ATP13A1: variants seen among roughly 807,000 people sequenced by gnomAD.
ATP13A1 encodes the protein ATPase 13A1, also known as endoplasmic reticulum transmembrane helix translocase.
Under a neutral mutation model 134.8 loss-of-function variants are expected in ATP13A1, and 55 were observed. The ratio of observed to expected loss-of-function variants is 0.41; its 90% CI spans 0.33 to 0.51. The LOEUF is 0.51. Ranked by LOEUF, ATP13A1 falls within the 20% of genes least tolerant of loss-of-function variation. The pLI, the probability that ATP13A1 is intolerant of heterozygous loss-of-function variation, is 0.29. For missense variants in ATP13A1, 1,389 were observed against 1,652.8 expected, an observed-to-expected ratio of 0.84 and a Z score of 2.77; for synonymous variants, 775 against 725.1, an observed-to-expected ratio of 1.07 and a Z score of -1.10.
Position 19,659,761 on chromosome 19 carries a change from C to G in ATP13A1, c.517G>C (p.Glu173Gln). ...GEDGLEVLSF[E>Q]FQKIKYSYDA... is the part of the protein sequence containing the mutation. ...TAGGAATACTTGATCTTCTGGAATTCGAAGGACAGCACCTCAAGCCCGTCT... is the reference window on the plus strand; with the variant it reads ...TAGGAATACTTGATCTTCTGGAATTGGAAGGACAGCACCTCAAGCCCGTCT... The change falls in exon 3 of 26, where the codon GAA becomes CAA. Residue 173 changes from glutamate (E) to glutamine (Q), a missense_variant. Physicochemically the swap from Glu to Gln is conservative, Grantham distance 29. Around this residue, in one of 4 missense-constraint regions of ATP13A1, gnomAD observed 293 missense variants for 270.8 expected, o/e 1.08. Coordinates refer to ENST00000357324, the MANE Select transcript of ATP13A1 (RefSeq NM_020410.3). 1 of 1,613,826 alleles carries G rather than the reference C, an allele frequency of 6.2e-7. No homozygotes were observed. Among genetic ancestry groups the G allele is most frequent in the Non-Finnish European group, 8.5e-7 (1 of 1,179,836 alleles).
chr19:19,658,469 A>C (rs2062073886), intron 3 of ATP13A1, among the ~76,000 whole-genome samples: 1 of 152,210 alleles, frequency 6.6e-6, no homozygotes, highest in South Asian at 2.1e-4. Flanking sequence ...ACCTTGGGGT[A>C]GGGGAAGTTG....
chr19:19,649,574 A>G lies in ATP13A1; in HGVS notation c.2625T>C (p.Ala875=), dbSNP rs2062010710. 6.2e-7 allele frequency: 1 copy of G among 1,613,530 alleles called. No homozygotes were observed. Among genetic ancestry groups the G allele is most frequent in the African/African-American group, 1.3e-5 (1 of 75,028 alleles). Residue 875 remains alanine, a synonymous_variant, in exon 19 of 26, where the codon GCT becomes GCC. Transcript: ENST00000357324. ...CTAGCCCACAGCACTCACCCACGTC[A>G]GCATGCTTCAGGGCGCCCACGTCGT... ...GTNDVGALKH[A]DVGVALLANA... is the part of the protein sequence containing the mutation.
Position 19,653,719 on chromosome 19 carries a change from G to C in ATP13A1, c.2100+65C>G. 1.4e-6 allele frequency: 2 copies of C among 1,380,854 alleles called. No individual in the cohort carries two copies. Among genetic ancestry groups the C allele is most frequent in the Non-Finnish European group, 2.0e-6 (2 of 1,003,490 alleles). 85.5% of individuals were successfully genotyped at this position (1,380,854 alleles called of 1,614,324 possible). A position where few individuals can be genotyped will look rare whatever the true frequency, so the allele number is the denominator to read the frequency against. On this transcript the variant is annotated intron_variant, in intron 15 of 25. Coordinates refer to ENST00000357324, the MANE Select transcript of ATP13A1 (RefSeq NM_020410.3). The surrounding 1 kb of genome is among the most constrained non-coding windows in gnomAD (Gnocchi z 4.2). ...CAACCTGGCACTGTGGGACACAGGA[G>C]GTGACTCAGGGAGGAGCTGACGGGC...
chr19:19,657,283 T>G, intron 4 of ATP13A1, 53 bp downstream of exon 4: 1 of 1,535,792 alleles, frequency 6.5e-7, no homozygotes. Context: ...TTGATCCGGT[T>G]AGGAAAGCCC....
In ATP13A1 at chr19:19,647,786, G is replaced by A. The variant is rs540618529; in HGVS notation, c.2633-27C>T. On this transcript the variant is annotated intron_variant, in intron 19 of 25. Transcript: ENST00000357324. The surrounding 1 kb of genome is among the most constrained non-coding windows in gnomAD (Gnocchi z 4.8). ...TGGGGGGCAGGAGGGTGTCAGACCC[G>A]GAGGAGCAGGCTCCACGGAGGGGAA... The A allele has an allele frequency of 3.8e-5, 60 of 1,566,850 alleles. No homozygotes were observed. The Admixed American group carries it at 5.6e-4, about 15-fold the overall frequency.
intron 1 of ATP13A1, among the ~76,000 whole-genome samples, chr19:19,662,688 T>G (rs768136583): frequency 6.6e-6 from 1 of 152,196 alleles, no homozygotes; most frequent in Non-Finnish European, 1.5e-5. Flanking sequence ...AAAGACATCA[T>G]GTAAATGACT....
Position 19,655,850 on chromosome 19 carries a change from C to T in ATP13A1, c.1269+28G>A, listed in dbSNP as rs1480937824. The T allele has an allele frequency of 6.4e-7, 1 of 1,562,092 alleles. No individual in the cohort carries two copies. Among genetic ancestry groups the T allele is most frequent in the African/African-American group, 1.4e-5 (1 of 74,052 alleles). On this transcript the variant is annotated intron_variant, in intron 9 of 25. Coordinates refer to ENST00000357324, the MANE Select transcript of ATP13A1 (RefSeq NM_020410.3). This position sits in a 1 kb window ranked among gnomAD's most constrained non-coding sequence, Gnocchi z 5.7. ...CCTTGGCTGTCCAACTGCCCTGGGG[C>T]CCGCCCTCCCCAGACCTGGCCCCGC... is the stretch of plus-strand genomic sequence containing the variant.
In ATP13A1 at chr19:19,647,693, G is replaced by A. The variant is rs1382740323; in HGVS notation, c.2699C>T (p.Pro900Leu). The change falls in exon 20 of 26, where the codon CCA (proline) becomes CTA (leucine). Residue 900 changes from proline to leucine, a missense_variant. Physicochemically the swap from Pro to Leu is moderately conservative, Grantham distance 98 (BLOSUM62 -3). This residue lies in a region of ATP13A1 where 121 missense variants were observed against 104.9 expected (regional missense o/e 1.15). Coordinates refer to ENST00000357324, the MANE Select transcript of ATP13A1 (RefSeq NM_020410.3). The surrounding 1 kb of genome is among the most constrained non-coding windows in gnomAD (Gnocchi z 4.8). ...VERRRRPRDS[P>L]TLSNSGIRAT... ...TCTGATGCCACTGTTGCTCAGGGTT[G>A]GGCTGTCCCGGGGCCGCCGTCGCCG... is the stretch of plus-strand genomic sequence containing the variant. 8 of 1,611,480 alleles carry A rather than the reference G, an allele frequency of 5.0e-6. No individual in the cohort carries two copies. The highest frequency in any genetic ancestry group is 1.7e-5 in the Admixed American group (1 of 59,916).
At position 19,656,085 on chromosome 19, in the gene ATP13A1, G is replaced by T; in HGVS notation, c.1182C>A (p.Ile394=). 1 of 1,613,734 alleles carries T rather than the reference G, an allele frequency of 6.2e-7. No individual in the cohort carries two copies. Among genetic ancestry groups the T allele is most frequent in the Non-Finnish European group, 8.5e-7 (1 of 1,179,786 alleles). ...GGCCCGTGGTGGCTTTCTGTGGGGGGATGTGCTGCACCACCTTGGTGCCCC... is the reference window on the plus strand; with the variant it reads ...GGCCCGTGGTGGCTTTCTGTGGGGGTATGTGCTGCACCACCTTGGTGCCCC... The part of the protein sequence containing the change: ...IFGGTKVVQH[I]PPQKATTGLK... Residue 394 remains isoleucine (I), a synonymous_variant, in exon 8 of 26, where the codon ATC becomes ATA. Transcript: ENST00000357324. This position sits in a 1 kb window ranked among gnomAD's most constrained non-coding sequence, Gnocchi z 4.6.
Position 19,654,680 on chromosome 19 carries a change from G to A in ATP13A1, c.1676C>T (p.Pro559Leu). The change falls in exon 13 of 26, where the codon CCA becomes CTA. Residue 559 changes from proline (P) to leucine (L), a missense_variant. This residue lies in a region of ATP13A1 where 747 missense variants were observed against 956.1 expected (regional missense o/e 0.78). Transcript: ENST00000357324. ...TGTTTCTACAGGGATGCTGGACACT[G>A]GGGTCACCTCCTTCCCGTCTCTGCA... is the stretch of plus-strand genomic sequence containing the variant. ...AGLRDGKEVT[P>L]VSSIPVETHR... is the part of the protein sequence containing the mutation. 6.2e-7 allele frequency: 1 copy of A among 1,612,834 alleles called. No homozygotes were observed. The highest frequency in any genetic ancestry group is 8.5e-7 in the Non-Finnish European group (1 of 1,179,626).
chr19:19,663,087 T>C lies in ATP13A1; in HGVS notation c.396+184A>G, dbSNP rs115894846. On this transcript the variant is annotated intron_variant, in intron 1 of 25. Coordinates refer to ENST00000357324, the MANE Select transcript of ATP13A1 (RefSeq NM_020410.3). ...AAAAGGAAATAACCCGCACCAGGCA[T>C]GCACAGCAAGTCAGCAGTGGGGTCA... 2.3e-4 allele frequency: 199 copies of C among 860,746 alleles called. No homozygotes were observed. In the African/African-American group the frequency reaches 3.0e-3, roughly 13 times the overall value. The allele number at this position is 860,746 out of a possible 1,614,324, so 53.3% of individuals were successfully genotyped here.
In ATP13A1 at chr19:19,653,881, G is replaced by T; in HGVS notation, c.2003C>A (p.Pro668Gln). The T allele has an allele frequency of 6.4e-7, 1 of 1,567,286 alleles. No homozygotes were observed. The highest frequency in any genetic ancestry group is 1.4e-5 in the African/African-American group (1 of 73,690). Residue 668 changes from proline (P) to glutamine (Q), a missense_variant, in exon 15 of 26, where the codon CCG becomes CAG. Pro to Gln is a moderately conservative substitution (Grantham distance 76). Transcript: ENST00000357324. The surrounding 1 kb of genome is among the most constrained non-coding windows in gnomAD (Gnocchi z 4.2). ...ETLHSMFSQC[P>Q]PDYHHIHTEI... ...GGTGTGGATGTGGTGGTAGTCGGGC[G>T]GGCACTGGGAGAACTGCAGGGAATG... is the stretch of plus-strand genomic sequence containing the variant.
Position 19,656,037 on chromosome 19 carries a change from G to A in ATP13A1, c.1213+17C>T, listed in dbSNP as rs1362029129. On this transcript the variant is annotated intron_variant, in intron 8 of 25. Coordinates refer to ENST00000357324, the MANE Select transcript of ATP13A1 (RefSeq NM_020410.3). The surrounding 1 kb of genome is among the most constrained non-coding windows in gnomAD (Gnocchi z 4.6). ...GGTGGAAGCCCAGATACCCCCAGAC[G>A]CCCATGAGGCACCTACGCTTCAGGC... 10 of 1,613,160 alleles carry A rather than the reference G, an allele frequency of 6.2e-6. No homozygotes were observed. The highest frequency in any genetic ancestry group is 2.7e-5 in the African/African-American group (2 of 74,890).
Position 19,661,362 on chromosome 19 carries a change from C to T in ATP13A1, c.397-1375G>A, listed in dbSNP as rs139157416. On this transcript the variant is annotated intron_variant, in intron 1 of 25. Transcript: ENST00000357324. ...GCTCACTACACTCCACAGCTCCACA[C>T]GCACATGGGGCTCGATCGTGCCTCA... Among the ~76,000 whole-genome samples the T allele has an allele frequency of 1.6e-4, 25 of 152,330 alleles. No homozygotes were observed. In the South Asian group the frequency reaches 4.3e-3, roughly 26 times the overall value.
rs895346193 is a variant in ATP13A1 at position 19,647,860 on chromosome 19, C to T, written c.2633-101G>A. 11 of 1,412,134 alleles carry T rather than the reference C, an allele frequency of 7.8e-6. No individual in the cohort carries two copies. Among genetic ancestry groups the T allele is most frequent in the African/African-American group, 2.9e-5 (2 of 70,134 alleles). 87.5% of individuals were successfully genotyped at this position (1,412,134 alleles called of 1,614,324 possible). A position where few individuals can be genotyped will look rare whatever the true frequency, so the allele number is the denominator to read the frequency against. On this transcript the variant is annotated intron_variant, in intron 19 of 25. Coordinates refer to ENST00000357324, the MANE Select transcript of ATP13A1 (RefSeq NM_020410.3). This position sits in a 1 kb window ranked among gnomAD's most constrained non-coding sequence, Gnocchi z 4.8. ...GTCCTGAAGTCCCCCAGCTGGCTCC[C>T]GTGAGGACAGTTCCCAGACTTCCCC...
intron 1 of ATP13A1, among the ~76,000 whole-genome samples, chr19:19,662,581 C>T (rs2062101399): frequency 6.6e-6 from 1 of 152,200 alleles, no homozygotes; most frequent in South Asian, 2.1e-4. Flanking sequence ...TCCGACGACA[C>T]TTGGTCACTC....
In ATP13A1 at chr19:19,656,685, G is replaced by C. The variant is rs377669958; in HGVS notation, c.1058C>G (p.Thr353Arg). 6.2e-7 allele frequency: 1 copy of C among 1,613,722 alleles called. No homozygotes were observed. Among genetic ancestry groups the C allele is most frequent in the Non-Finnish European group, 8.5e-7 (1 of 1,179,816 alleles). ...GRCIVDEAML[T>R]GESVPQMKEP... The stretch of plus-strand genomic sequence containing the variant: ...CTTCATCTGTGGCACGGACTCCCCC[G>C]TGAGCATGGCCTCGTCTACGATGCA... Residue 353 changes from threonine (T) to arginine (R), a missense_variant, in exon 7 of 26, where the codon ACG becomes AGG. Around this residue, in one of 4 missense-constraint regions of ATP13A1, gnomAD observed 747 missense variants for 956.1 expected, o/e 0.78. Coordinates refer to ENST00000357324, the MANE Select transcript of ATP13A1 (RefSeq NM_020410.3). The surrounding 1 kb of genome is among the most constrained non-coding windows in gnomAD (Gnocchi z 4.6).
At position 19,655,514 on chromosome 19, in the gene ATP13A1, G is replaced by C. The variant is rs534748874; in HGVS notation, c.1396+14C>G. On this transcript the variant is annotated intron_variant, in intron 10 of 25. Transcript: ENST00000357324. This position sits in a 1 kb window ranked among gnomAD's most constrained non-coding sequence, Gnocchi z 5.7. ...AGGGTGGGCGCAGGGGACCACAGAG[G>C]CCGTGGCGCTTACCTTCAATCCATA... 1 of 1,613,872 alleles carries C rather than the reference G, an allele frequency of 6.2e-7. No individual in the cohort carries two copies. The highest frequency in any genetic ancestry group is 1.7e-5 in the Admixed American group (1 of 60,000).
Position 19,649,837 on chromosome 19 carries a change from G to A in ATP13A1, c.2439C>T (p.Gly813=), listed in dbSNP as rs750914472. ...LALEYALCLT[G]DGLAHLQATD... ...TGGCCTGCAGGTGGGCCAAGCCGTC[G>A]CCTGTGAGGCACAGTGCGTACTCCA... The change falls in exon 18 of 26, where the codon GGC becomes GGT. Residue 813 remains glycine (G), a synonymous_variant. Transcript: ENST00000357324. 62 of 1,603,112 alleles carry A rather than the reference G, an allele frequency of 3.9e-5. No homozygotes were observed. The Admixed American group carries it at 7.0e-4, about 18-fold the overall frequency.
Sources: allele counts gnomAD v4.1 joint callset (sites outside exome capture counted in the v4.1 genomes callset), GRCh38; gene constraint gnomAD v4.1.1; regional missense constraint gnomAD v4.1.1; non-coding constraint Gnocchi (gnomAD v3.1); transcripts MANE v1.5; gene names NCBI Gene and HGNC (gene_info 2026-07-23, HGNC 2026-07-21).